Variants in NF2 observed in about 807,000 individuals in gnomAD.
NF2 encodes the protein merlin.
In NF2, 8 loss-of-function variants were observed where a neutral mutation model predicts 83.7. The ratio of observed to expected loss-of-function variants is 0.10; its 90% confidence interval spans 0.06 to 0.17. The LOEUF (loss-of-function observed/expected upper bound fraction) is 0.17, where lower values mean the gene tolerates loss of function less well. NF2 is among the 10% of genes least tolerant of loss of function. The pLI is 1.00. For missense variants in NF2, 533 were observed against 744.4 expected (o/e 0.72, Z 3.31); for synonymous variants, 266 against 269.6 (o/e 0.99, Z 0.13).
chr22:29,648,836 C>A (rs985293251), intron 4 of NF2, among the ~76,000 whole-genome samples: 2 of 152,186 alleles, frequency 1.3e-5, no homozygotes, highest in African/African-American at 4.8e-5. Flanking sequence ...ACTCTATACC[C>A]GCCTCAGCCT....
chr22:29,669,429 C>T (rs949190788), intron 10 of NF2, among the ~76,000 whole-genome samples: 1 of 152,154 alleles, frequency 6.6e-6, no homozygotes, highest in Non-Finnish European at 1.5e-5. Context: ...GGATCACTTG[C>T]CTAGGAATTT....
chr22:29,672,329 T>G (rs2066820473), intron 11 of NF2, among the ~76,000 whole-genome samples: 1 of 149,954 alleles, frequency 6.7e-6, no homozygotes, highest in Non-Finnish European at 1.5e-5. Context: ...TTTTTTTTTT[T>G]GAGACGGAGT....
intron 1 of NF2, among the ~76,000 whole-genome samples, chr22:29,616,935 GT>G (rs909465193): frequency 3.6e-4 from 52 of 144,374 alleles, no homozygotes; most frequent in African/African-American, 5.0e-4. Context: ...TTTTTTGGGG[GT>G]TTTTTTTTTT....
chr22:29,656,568 C>T (rs373787918), intron 6 of NF2, among the ~76,000 whole-genome samples: 9 of 151,906 alleles, frequency 5.9e-5, no homozygotes, highest in East Asian at 3.9e-4. Flanking sequence ...CCCGCCACCA[C>T]GCCTAGGCTA....
At chr22:29,620,742 A>T (rs1194598362) in intron 1 of NF2, among the ~76,000 whole-genome samples, 1 of 150,900 alleles carries the variant, frequency 6.6e-6, no homozygotes, top group Non-Finnish European at 1.5e-5. Context: ...AAAAATAGAG[A>T]TGGGGGTCTC....
chr22:29,622,188 A>AT (rs550464221), intron 1 of NF2, among the ~76,000 whole-genome samples: 1 of 152,336 alleles, frequency 6.6e-6, no homozygotes, highest in South Asian at 2.1e-4. Flanking sequence ...ATTTTATTGC[A>AT]TTTGGTGTAT....
chr22:29,668,987 A>C (rs2066707153), intron 10 of NF2, among the ~76,000 whole-genome samples: 1 of 152,216 alleles, frequency 6.6e-6, no homozygotes, highest in Non-Finnish European at 1.5e-5. Flanking sequence ...TTTTCTACTC[A>C]TAAACCTTCT....
intron 1 of NF2, among the ~76,000 whole-genome samples, chr22:29,631,491 T>A (rs1192573652): frequency 2.0e-5 from 3 of 152,222 alleles, no homozygotes; most frequent in Non-Finnish European, 4.4e-5. Context: ...TGTCTTGTCC[T>A]CAATTCATCA....
chr22:29,655,846 G>T (rs923248702), intron 6 of NF2, among the ~76,000 whole-genome samples, 170 bp downstream of exon 6: 1 of 151,550 alleles, frequency 6.6e-6, no homozygotes, highest in Non-Finnish European at 1.5e-5. Context: ...CTTCAGTTTT[G>T]TGTGTGTCCT....
At chr22:29,670,180 T>C (rs2066739056) in intron 10 of NF2, among the ~76,000 whole-genome samples, 1 of 152,114 alleles carries the variant, frequency 6.6e-6, no homozygotes, top group Non-Finnish European at 1.5e-5. Context: ...AATTGTTTCG[T>C]AGAGATCAGG....
chr22:29,679,231 C>T (rs1002662158), intron 14 of NF2, among the ~76,000 whole-genome samples: 3 of 152,218 alleles, frequency 2.0e-5, no homozygotes, highest in African/African-American at 4.8e-5. Context: ...GACTCTGCAG[C>T]CCATGTGCTT....
intron 7 of NF2, among the ~76,000 whole-genome samples, chr22:29,660,198 C>T (rs2066436836): frequency 1.3e-5 from 2 of 152,162 alleles, no homozygotes; most frequent in Admixed American, 1.3e-4. Context: ...GTCGCAGGTT[C>T]AGTGCTGTGG....
chr22:29,650,584 CT>C (rs1476351832), intron 4 of NF2, among the ~76,000 whole-genome samples: 1 of 149,760 alleles, frequency 6.7e-6, no homozygotes, highest in East Asian at 2.0e-4. Flanking sequence ...CCTCCCCTTC[CT>C]TTTCTTTCCT....
In NF2 at chr22:29,658,334, G is replaced by C. The variant is rs942912939; in HGVS notation, c.675+70G>C. The C allele has an allele frequency of 7.6e-6, 10 of 1,324,486 alleles. No individual in the cohort carries two copies. In the African/African-American group the frequency reaches 1.3e-4, roughly 17 times the overall value. The allele number at this position is 1,324,486 out of a possible 1,614,324, so 82.0% of individuals were successfully genotyped here. A position where few individuals can be genotyped will look rare whatever the true frequency, so the allele number is the denominator to read the frequency against. The stretch of plus-strand genomic sequence containing the variant: ...TGAGTGAGGGCCAGACTGCTAAAAT[G>C]GTTACTTCTTCATTCCAAGGCGATA... On this transcript the variant is annotated intron_variant, in intron 7 of 15. Transcript: ENST00000338641.
chr22:29,640,362 C>A (rs1282590132), intron 3 of NF2, among the ~76,000 whole-genome samples: 1 of 152,084 alleles, frequency 6.6e-6, no homozygotes, highest in Non-Finnish European at 1.5e-5. Flanking sequence ...AAAGGCAAGC[C>A]TCATTAAGTA....
intron 13 of NF2, among the ~76,000 whole-genome samples, chr22:29,675,313 T>C (rs1006014139): frequency 6.6e-6 from 1 of 152,172 alleles, no homozygotes; most frequent in African/African-American, 2.4e-5. Flanking sequence ...ATCATAATTA[T>C]AGTTCTGGGA....
chr22:29,645,176 C>T (rs1038740961), intron 4 of NF2, among the ~76,000 whole-genome samples: 3 of 152,004 alleles, frequency 2.0e-5, no homozygotes, highest in Non-Finnish European at 4.4e-5. Flanking sequence ...CTAGTCAGAC[C>T]AATAGAAGCA....
chr22:29,679,642 A>C (rs1223656604), intron 14 of NF2, among the ~76,000 whole-genome samples: 2 of 152,140 alleles, frequency 1.3e-5, no homozygotes, highest in African/African-American at 2.4e-5. Flanking sequence ...CAAGGGGGGC[A>C]GATCTCTTGA....
chr22:29,636,945 C>T lies in NF2; in HGVS notation c.240+69C>T, dbSNP rs917187305. On this transcript the variant is annotated intron_variant, in intron 2 of 15. Coordinates refer to ENST00000338641, the MANE Select transcript of NF2 (RefSeq NM_000268.4). This position sits in a 1 kb window ranked among gnomAD's most constrained non-coding sequence, Gnocchi z 4.4. ...TTCCAGTTTTTCCCTGAGCAGGCGC[C>T]TAGCTCATCACTGGGGCGCTGTAGC... 39 of 1,609,662 alleles carry T rather than the reference C, an allele frequency of 2.4e-5. No homozygotes were observed. Among genetic ancestry groups the T allele is most frequent in the East Asian group, 1.1e-4 (5 of 44,866 alleles).
Sources: allele counts gnomAD v4.1 joint callset (sites outside exome capture counted in the v4.1 genomes callset), GRCh38; gene constraint gnomAD v4.1.1; non-coding constraint Gnocchi (gnomAD v3.1); transcripts MANE v1.5; gene names NCBI Gene and HGNC (gene_info 2026-07-23, HGNC 2026-07-21).